The following MYOZ2 variants were observed in gnomAD, a reference collection of about 807,000 sequenced individuals.
The protein encoded by MYOZ2 is myozenin 2.
In MYOZ2, 19 loss-of-function variants were observed where a neutral mutation model predicts 25.4. The observed-to-expected ratio is 0.75, with a 90% CI of 0.52 to 1.10. The LOEUF (loss-of-function observed/expected upper bound fraction) is 1.10. Among genes scored for constraint, MYOZ2 ranks in the 50% least tolerant of loss-of-function variants. MYOZ2 has a pLI of 0.00. For synonymous variants in MYOZ2, 92 were observed against 106.9 expected, an observed-to-expected ratio of 0.86 and a Z score of 0.86; for missense variants, 270 against 317.9, an observed-to-expected ratio of 0.85 and a Z score of 1.15.
intron 5 of MYOZ2, among the ~76,000 whole-genome samples, chr4:119,165,209 A>G (rs1741797406): frequency 6.6e-6 from 1 of 151,658 alleles, no homozygotes; most frequent in East Asian, 1.9e-4. Context: ...ACTGCATTTA[A>G]ACAGTGATCT....
intron 5 of MYOZ2, among the ~76,000 whole-genome samples, chr4:119,179,102 G>T (rs1366376962): frequency 6.6e-6 from 1 of 152,150 alleles, no homozygotes; most frequent in Non-Finnish European, 1.5e-5. Flanking sequence ...TAAAAACTTT[G>T]TAACTGTTAC....
intron 2 of MYOZ2, among the ~76,000 whole-genome samples, chr4:119,143,888 A>G (rs1468969657): frequency 6.6e-6 from 1 of 152,140 alleles, no homozygotes; most frequent in East Asian, 1.9e-4. Context: ...ATAGCTCTTA[A>G]TTAAATTTTT....
chr4:119,137,963 C>T (rs908706894), intron 2 of MYOZ2, among the ~76,000 whole-genome samples: 2 of 152,104 alleles, frequency 1.3e-5, no homozygotes, highest in African/African-American at 2.4e-5. Flanking sequence ...TTTCTAATGA[C>T]ATCCTAATCA....
chr4:119,183,127 A>C (rs1742220245), intron 5 of MYOZ2, among the ~76,000 whole-genome samples: 1 of 152,210 alleles, frequency 6.6e-6, no homozygotes, highest in African/African-American at 2.4e-5. Flanking sequence ...CTATGGTACA[A>C]TGCATTATAT....
intron 3 of MYOZ2, among the ~76,000 whole-genome samples, chr4:119,153,811 A>C (rs1246996438): frequency 6.6e-6 from 1 of 152,132 alleles, no homozygotes; most frequent in African/African-American, 2.4e-5. Context: ...CTATGACACA[A>C]ACAGTAATAA....
intron 5 of MYOZ2, among the ~76,000 whole-genome samples, chr4:119,169,153 A>C (rs1561125487): frequency 6.6e-6 from 1 of 152,252 alleles, no homozygotes; most frequent in East Asian, 1.9e-4. Context: ...TATTAGCAAT[A>C]AAATATTTGA....
At chr4:119,162,091 A>T (rs1741721661) in intron 4 of MYOZ2, among the ~76,000 whole-genome samples, 1 of 152,006 alleles carries the variant, frequency 6.6e-6, no homozygotes, top group African/African-American at 2.4e-5. Flanking sequence ...TTCCTCGGGG[A>T]GGTAGGAATG....
At chr4:119,175,009 A>G (rs530941656) in intron 5 of MYOZ2, among the ~76,000 whole-genome samples, 1 of 151,978 alleles carries the variant, frequency 6.6e-6, no homozygotes, top group Non-Finnish European at 1.5e-5. Flanking sequence ...AACCCACCAG[A>G]AGGAAGAAAC....
intron 5 of MYOZ2, among the ~76,000 whole-genome samples, chr4:119,174,822 G>C (rs1742023848): frequency 6.6e-6 from 1 of 151,896 alleles, no homozygotes; most frequent in African/African-American, 2.4e-5. Context: ...TCACTTTTTG[G>C]GTCCACGCTG....
At chr4:119,158,658 G>A (rs4301094) in intron 4 of MYOZ2, among the ~76,000 whole-genome samples, 1 of 152,158 alleles carries the variant, frequency 6.6e-6, no homozygotes, top group African/African-American at 2.4e-5. Flanking sequence ...CTTTGTTTTA[G>A]ATGGTCTGTT....
At chr4:119,144,739 A>G (rs939377228) in intron 2 of MYOZ2, among the ~76,000 whole-genome samples, 1 of 152,128 alleles carries the variant, frequency 6.6e-6, no homozygotes, top group Non-Finnish European at 1.5e-5. Context: ...TGCCATCTGT[A>G]TATCTTCTTC....
In MYOZ2 at chr4:119,187,123, G is replaced by A. The variant is rs1021190874; in HGVS notation, c.*923G>A. 4 of 151,958 alleles carry A rather than the reference G, an allele frequency of 2.6e-5. No individual in the cohort carries two copies. Among genetic ancestry groups the A allele is most frequent in the Non-Finnish European group, 5.9e-5 (4 of 67,970 alleles). 9.4% of individuals were successfully genotyped at this position (151,958 alleles called of 1,614,324 possible). A position where few individuals can be genotyped will look rare whatever the true frequency, so the allele number is the denominator to read the frequency against. ...AAGTAACTGGGGAGTACATGCTTTA[G>A]GACACAAACAAAAACAAAGGGCATG... On this transcript the variant is annotated 3_prime_UTR_variant, in exon 6 of 6. Transcript: ENST00000307128.
At chr4:119,151,296 T>G (rs951698416) in intron 3 of MYOZ2, among the ~76,000 whole-genome samples, 1 of 152,122 alleles carries the variant, frequency 6.6e-6, no homozygotes, top group Non-Finnish European at 1.5e-5. Flanking sequence ...TCTGTTCCAC[T>G]AAGAGGAGGG....
chr4:119,168,207 C>T (rs1422354644), intron 5 of MYOZ2, among the ~76,000 whole-genome samples: 2 of 152,180 alleles, frequency 1.3e-5, no homozygotes, highest in Admixed American at 6.5e-5. Flanking sequence ...CTCCTGACCT[C>T]GTGATCTGCC....
intron 2 of MYOZ2, among the ~76,000 whole-genome samples, chr4:119,147,904 T>A (rs1205428706): frequency 6.6e-6 from 1 of 152,202 alleles, no homozygotes; most frequent in Non-Finnish European, 1.5e-5. Context: ...AAGGGAAGCC[T>A]ATTGTATATA....
intron 2 of MYOZ2, among the ~76,000 whole-genome samples, chr4:119,143,443 C>CTGG (rs1010750229): frequency 1.3e-5 from 2 of 152,198 alleles, no homozygotes; most frequent in African/African-American, 4.8e-5. Flanking sequence ...ATCTGCCCAC[C>CTGG]TGGGCCTCCC....
chr4:119,173,942 G>T (rs550467885), intron 5 of MYOZ2, among the ~76,000 whole-genome samples: 1 of 152,342 alleles, frequency 6.6e-6, no homozygotes, highest in East Asian at 1.9e-4. Flanking sequence ...CAGCGGCGGT[G>T]GGGGGTGTAC....
chr4:119,146,735 A>G (rs548227931), intron 2 of MYOZ2, among the ~76,000 whole-genome samples: 3 of 152,262 alleles, frequency 2.0e-5, no homozygotes, highest in African/African-American at 7.2e-5. Context: ...ATTAAGTCCT[A>G]TTCGTTGCTA....
intron 2 of MYOZ2, among the ~76,000 whole-genome samples, chr4:119,147,090 T>C (rs1257030620): frequency 6.6e-6 from 1 of 152,194 alleles, no homozygotes; most frequent in East Asian, 1.9e-4. Flanking sequence ...GCTTATAATG[T>C]TATCATAGGC....
Sources: gnomAD v4.1 joint callset for allele counts (sites outside exome capture counted in the v4.1 genomes callset) on GRCh38, gnomAD v4.1.1 for gene constraint, MANE v1.5 for transcripts, NCBI Gene and HGNC (gene_info 2026-07-23, HGNC 2026-07-21) for gene names.